ABLIM2: variants seen among roughly 807,000 people sequenced by gnomAD.
The protein encoded by ABLIM2 is actin-binding LIM protein 2.
A neutral mutation model predicts 97.7 loss-of-function variants in ABLIM2; 53 were observed. The observed-to-expected ratio is 0.54, with a 90% CI of 0.44 to 0.68. The LOEUF (loss-of-function observed/expected upper bound fraction) is 0.68. ABLIM2 is among the 30% of genes least tolerant of loss of function. ABLIM2 has a pLI of 0.00. For missense variants in ABLIM2, 835 were observed against 867.2 expected, an observed-to-expected ratio of 0.96 and a Z score of 0.47; for synonymous variants, 361 against 345.8, an observed-to-expected ratio of 1.04 and a Z score of -0.49.
intron 8 of ABLIM2, among the ~76,000 whole-genome samples, chr4:8,048,549 C>A (rs1297576166): frequency 6.6e-6 from 1 of 152,180 alleles, no homozygotes; most frequent in East Asian, 1.9e-4. Flanking sequence ...GGAGGCAGAG[C>A]AGAACTCCAA....
At chr4:8,100,903 T>C (rs1276452088) in intron 2 of ABLIM2, among the ~76,000 whole-genome samples, 1 of 152,114 alleles carries the variant, frequency 6.6e-6, no homozygotes, top group East Asian at 1.9e-4. Flanking sequence ...TTTGGGAGGA[T>C]ATTGACATGA....
chr4:8,020,145 G>C, intron 13 of ABLIM2, 57 bp downstream of exon 13: 1 of 1,524,904 alleles, frequency 6.6e-7, no homozygotes, highest in Non-Finnish European at 8.9e-7. Flanking sequence ...GGTGTGGCCA[G>C]TTTCGGTGTG....
intron 8 of ABLIM2, among the ~76,000 whole-genome samples, chr4:8,050,428 T>C (rs58454418): frequency 0.058 from 8,795 of 152,194 alleles, 633 homozygotes; most frequent in African/African-American, 0.17. Flanking sequence ...GCTCAGGGGT[T>C]GGCCTCTTGC....
At chr4:8,116,370 C>G (rs533949196) in intron 1 of ABLIM2, among the ~76,000 whole-genome samples, 16 of 152,342 alleles carry the variant, frequency 1.1e-4, no homozygotes, top group African/African-American at 3.8e-4. Flanking sequence ...AGAAGCTCCC[C>G]CTCCAAACCC....
intron 14 of ABLIM2, among the ~76,000 whole-genome samples, chr4:8,009,326 AT>A (rs1247026396): frequency 6.6e-6 from 1 of 152,172 alleles, no homozygotes. Context: ...GTGAGGCCTG[AT>A]TTCAGTTCTA....
intron 20 of ABLIM2, among the ~76,000 whole-genome samples, chr4:7,981,480 C>T (rs1466190590): frequency 1.3e-5 from 2 of 152,202 alleles, no homozygotes; most frequent in Non-Finnish European, 2.9e-5. Context: ...CCACCGTGGG[C>T]CCGTGTTCTC....
intron 17 of ABLIM2, chr4:7,989,428 G>A (rs1746990852): frequency 1.0e-6 from 1 of 985,276 alleles, no homozygotes; most frequent in Non-Finnish European, 1.2e-6. Flanking sequence ...CACCATACTT[G>A]TATTTAATCA....
At position 8,130,932 on chromosome 4, in the gene ABLIM2, C is replaced by A. The variant is rs1295976140; in HGVS notation, c.11-24295G>T. 6.6e-6 allele frequency among the ~76,000 whole-genome samples: 1 copy of A among 151,980 alleles called. No individual in the cohort carries two copies. Among genetic ancestry groups the A allele is most frequent in the Non-Finnish European group, 1.5e-5 (1 of 67,988 alleles). On this transcript the variant is annotated intron_variant, in intron 1 of 20. Transcript: ENST00000447017. The surrounding 1 kb of genome is among the most constrained non-coding windows in gnomAD (Gnocchi z 4.2). ...GGCAAGGTGGCCCCAGGGCTGAGCT[C>A]CCCCAAAGGCTCTAGGGGAGGCTGC... is the stretch of plus-strand genomic sequence containing the variant.
At chr4:8,024,390 G>A (rs1296184954) in intron 12 of ABLIM2, among the ~76,000 whole-genome samples, 1 of 152,164 alleles carries the variant, frequency 6.6e-6, no homozygotes, top group Non-Finnish European at 1.5e-5. Flanking sequence ...TGCCGGGGGT[G>A]AGGCCCTGCC....
intron 2 of ABLIM2, among the ~76,000 whole-genome samples, chr4:8,100,250 A>G (rs1480662485): frequency 6.6e-6 from 1 of 152,192 alleles, no homozygotes; most frequent in Non-Finnish European, 1.5e-5. Context: ...AGTTGCAACA[A>G]TGTTCCCTGC....
At chr4:8,077,871 C>A in intron 5 of ABLIM2, 150 bp from the exon 6 acceptor site, 1 of 654,382 alleles carries the variant, frequency 1.5e-6, no homozygotes. Context: ...CAGGCAGTGT[C>A]ATTGGGCTCT....
intron 1 of ABLIM2, among the ~76,000 whole-genome samples, chr4:8,117,713 GACCTA>G (rs1377287849): frequency 6.6e-6 from 1 of 152,076 alleles, no homozygotes; most frequent in Non-Finnish European, 1.5e-5. Context: ...CGACCGAGAA[GACCTA>G]ACCGTACTGG....
chr4:8,131,587 T>C (rs1849368277), intron 1 of ABLIM2, among the ~76,000 whole-genome samples: 1 of 152,030 alleles, frequency 6.6e-6, no homozygotes, highest in African/African-American at 2.4e-5. Flanking sequence ...TCTCACATGC[T>C]CTCAGCCACC....
chr4:8,099,292 G>A (rs1197095955), intron 2 of ABLIM2, among the ~76,000 whole-genome samples: 4 of 152,234 alleles, frequency 2.6e-5, no homozygotes, highest in African/African-American at 9.6e-5. Context: ...CAAGACAGTA[G>A]CTGGATGGTG....
chr4:8,151,666 AC>A (rs1213526725), intron 1 of ABLIM2, among the ~76,000 whole-genome samples: 3 of 152,050 alleles, frequency 2.0e-5, no homozygotes, highest in Non-Finnish European at 4.4e-5. Flanking sequence ...GCAGGGTTGT[AC>A]CCCGAGGATG....
intron 20 of ABLIM2, among the ~76,000 whole-genome samples, chr4:7,979,422 C>T (rs2149571623): frequency 6.6e-6 from 1 of 152,348 alleles, no homozygotes; most frequent in South Asian, 2.1e-4. Flanking sequence ...ATTCTCTTCC[C>T]CATCTTTAGG....
In ABLIM2 at chr4:8,020,284, G is replaced by A. The variant is rs1772617741; in HGVS notation, c.1287C>T (p.Ser429=). 2 of 1,613,582 alleles carry A rather than the reference G, an allele frequency of 1.2e-6. No homozygotes were observed. The highest frequency in any genetic ancestry group is 1.7e-5 in the Admixed American group (1 of 59,984). The change falls in exon 13 of 21, where the codon AGC becomes AGT. Residue 429 remains serine, a synonymous_variant. Coordinates refer to ENST00000447017, the MANE Select transcript of ABLIM2 (RefSeq NM_001130083.2). The part of the protein sequence containing the change: ...PYFRGSESGR[S]TPSLSVLSDS... ...CAGAGAGCACGGAGAGGCTGGGGGT[G>A]CTCCGGCCACTTTCACTGCCTCCAG... is the stretch of plus-strand genomic sequence containing the variant.
At chr4:8,142,659 C>T (rs1851169183) in intron 1 of ABLIM2, among the ~76,000 whole-genome samples, 2 of 152,166 alleles carry the variant, frequency 1.3e-5, no homozygotes, top group Admixed American at 1.3e-4. Context: ...GATGTGTGCT[C>T]GCAGCCACGA....
rs577192393 is a variant in ABLIM2 at position 8,080,374 on chromosome 4, A to G, written c.581+302T>C. On this transcript the variant is annotated intron_variant, in intron 5 of 20. Transcript: ENST00000447017. ...GGGGACTGCGACGGGGAGGGAAGGCACTTCAAAAACTCAGCACTGGCAGCC... is the reference window on the plus strand; with the variant it reads ...GGGGACTGCGACGGGGAGGGAAGGCGCTTCAAAAACTCAGCACTGGCAGCC... Among the ~76,000 whole-genome samples, 174 of 152,136 alleles carry G rather than the reference A, an allele frequency of 1.1e-3. 1 individual carries two copies. Among genetic ancestry groups the G allele is most frequent in the Non-Finnish European group, 9.9e-4 (67 of 68,016 alleles).
Sources: gnomAD v4.1 joint callset for allele counts (sites outside exome capture counted in the v4.1 genomes callset) on GRCh38, gnomAD v4.1.1 for gene constraint, Gnocchi (gnomAD v3.1) non-coding constraint, MANE v1.5 for transcripts, NCBI Gene and HGNC (gene_info 2026-07-23, HGNC 2026-07-21) for gene names.